Variants in NELL1 observed in about 807,000 individuals in gnomAD.
NELL1 encodes the protein neural EGFL like 1.
NELL1 carries 76 observed loss-of-function variants against 107.4 expected under a neutral mutation model. The ratio of observed to expected loss-of-function variants is 0.71; its 90% CI spans 0.59 to 0.86. The LOEUF is 0.86. Among genes scored for constraint, NELL1 ranks in the 40% least tolerant of loss-of-function variants. The probability of loss-of-function intolerance (pLI) is 0.00; values close to 1 mark genes in which losing one functional copy is unlikely to be tolerated. For missense variants in NELL1, 1,024 were observed against 1,005.5 expected, an observed-to-expected ratio of 1.02 and a Z score of -0.25; for synonymous variants, 353 against 341.2, an observed-to-expected ratio of 1.03 and a Z score of -0.38.
chr11:20,858,664 T>C (rs1362481606), intron 4 of NELL1, among the ~76,000 whole-genome samples: 1 of 152,178 alleles, frequency 6.6e-6, no homozygotes, highest in Non-Finnish European at 1.5e-5. Flanking sequence ...ACAGAAAACC[T>C]AATCTTATCC....
At chr11:20,831,646 G>A (rs1404468033) in intron 3 of NELL1, among the ~76,000 whole-genome samples, 2 of 152,160 alleles carry the variant, frequency 1.3e-5, no homozygotes, top group South Asian at 2.1e-4. Flanking sequence ...AAAGCCCTAT[G>A]ACACAGAGCC....
intron 13 of NELL1, among the ~76,000 whole-genome samples, chr11:21,201,351 T>A (rs1857265628): frequency 1.3e-5 from 2 of 152,234 alleles, no homozygotes; most frequent in African/African-American, 4.8e-5. Context: ...TTCACATCTC[T>A]TGTAAGTTGT....
At chr11:21,574,842 C>A in intron 19 of NELL1, 130 bp from the exon 20 acceptor site, 1 of 706,218 alleles carries the variant, frequency 1.4e-6, no homozygotes, top group Non-Finnish European at 2.4e-6. Flanking sequence ...GCATTTTTTT[C>A]TAGTCATTTT....
intron 12 of NELL1, among the ~76,000 whole-genome samples, chr11:21,104,200 A>T (rs1854891656): frequency 6.6e-6 from 1 of 152,168 alleles, no homozygotes; most frequent in South Asian, 2.1e-4. Context: ...TGACAGATTG[A>T]GGTAGGCTGA....
intron 14 of NELL1, among the ~76,000 whole-genome samples, chr11:21,275,952 T>G (rs1421186827): frequency 6.6e-6 from 1 of 152,154 alleles, no homozygotes; most frequent in Non-Finnish European, 1.5e-5. Flanking sequence ...TCATACTGAA[T>G]AGGCAAAAAC....
chr11:21,105,232 A>G (rs1854921382), intron 12 of NELL1, among the ~76,000 whole-genome samples: 1 of 152,130 alleles, frequency 6.6e-6, no homozygotes, highest in South Asian at 2.1e-4. Flanking sequence ...TTAATAGGCA[A>G]AAGAAAGAGA....
At chr11:20,733,545 C>G (rs992887457) in intron 2 of NELL1, among the ~76,000 whole-genome samples, 3 of 152,024 alleles carry the variant, frequency 2.0e-5, no homozygotes, top group Non-Finnish European at 4.4e-5. Context: ...TAAAAAAGTC[C>G]CCAGGTGTAG....
intron 13 of NELL1, among the ~76,000 whole-genome samples, chr11:21,210,885 T>G (rs1482866088): frequency 6.6e-6 from 1 of 152,168 alleles, no homozygotes; most frequent in African/African-American, 2.4e-5. Flanking sequence ...TTAGTTCTTC[T>G]TGACCTGTCT....
intron 14 of NELL1, among the ~76,000 whole-genome samples, chr11:21,264,961 T>C (rs568280109): frequency 1.3e-5 from 2 of 152,004 alleles, no homozygotes; most frequent in African/African-American, 2.4e-5. Context: ...TCCTCCTAGA[T>C]AGGGAGAAAG....
intron 15 of NELL1, among the ~76,000 whole-genome samples, chr11:21,428,007 T>A (rs1852872645): frequency 6.6e-6 from 1 of 152,210 alleles, no homozygotes; most frequent in South Asian, 2.1e-4. Flanking sequence ...CTCAAGCAGC[T>A]GATCCTGAAG....
At chr11:21,150,037 C>G (rs1206158747) in intron 13 of NELL1, among the ~76,000 whole-genome samples, 1 of 151,890 alleles carries the variant, frequency 6.6e-6, no homozygotes, top group African/African-American at 2.4e-5. Flanking sequence ...AACAGCCGTG[C>G]AAAAACCGAG....
At chr11:20,727,458 T>G (rs185082791) in intron 2 of NELL1, among the ~76,000 whole-genome samples, 110 of 152,354 alleles carry the variant, frequency 7.2e-4, no homozygotes, top group African/African-American at 2.5e-3. Context: ...GATTTTTTCT[T>G]GTAAATTTGT....
At chr11:21,519,852 G>T (rs1266836588) in intron 15 of NELL1, among the ~76,000 whole-genome samples, 2 of 152,124 alleles carry the variant, frequency 1.3e-5, no homozygotes, top group Non-Finnish European at 2.9e-5. Flanking sequence ...AGTCCAGGTT[G>T]GGAGAGAGAT....
intron 13 of NELL1, chr11:21,170,263 C>A: frequency 3.4e-6 from 1 of 295,638 alleles, no homozygotes; most frequent in South Asian, 6.3e-5. Context: ...GGGTATGGGC[C>A]TTGGACTGCA....
chr11:21,268,468 AG>A (rs1848677562), intron 14 of NELL1, among the ~76,000 whole-genome samples: 1 of 152,106 alleles, frequency 6.6e-6, no homozygotes, highest in Non-Finnish European at 1.5e-5. Context: ...TACCCAATCT[AG>A]GGGAAAGGAA....
At chr11:21,326,793 T>G (rs1850152946) in intron 14 of NELL1, among the ~76,000 whole-genome samples, 1 of 152,154 alleles carries the variant, frequency 6.6e-6, no homozygotes, top group Non-Finnish European at 1.5e-5. Context: ...ATGTCATTCT[T>G]TGTCTTCTGG....
chr11:20,762,299 A>T (rs1476742930), intron 2 of NELL1, among the ~76,000 whole-genome samples: 1 of 152,176 alleles, frequency 6.6e-6, no homozygotes, highest in Non-Finnish European at 1.5e-5. Context: ...CTTCTTTTAG[A>T]TAAAAGCCTG....
intron 9 of NELL1, chr11:20,935,719 C>T (rs7122630): frequency 0.75 from 113,482 of 152,074 alleles, 44,259 homozygotes; most frequent in East Asian, 1. Context: ...TGTGGTGGTA[C>T]TGAAGAAGAG....
At chr11:21,362,452 C>G (rs755202987) in intron 14 of NELL1, among the ~76,000 whole-genome samples, 9 of 152,174 alleles carry the variant, frequency 5.9e-5, no homozygotes, top group Non-Finnish European at 1.2e-4. Context: ...GTTTAGTGTG[C>G]TAGCTTTCTT....
Sources: gnomAD v4.1 joint callset for allele counts (sites outside exome capture counted in the v4.1 genomes callset) on GRCh38, gnomAD v4.1.1 for gene constraint, MANE v1.5 for transcripts, NCBI Gene and HGNC (gene_info 2026-07-23, HGNC 2026-07-21) for gene names.